CELF2: variants seen among roughly 807,000 people sequenced by gnomAD.
The protein encoded by CELF2 is CUGBP Elav-like family member 2.
A neutral mutation model predicts 62.6 loss-of-function variants in CELF2; 8 were observed. The ratio of observed to expected loss-of-function variants is 0.13; its 90% CI spans 0.07 to 0.23. CELF2 has a LOEUF of 0.23. CELF2 is among the 10% of genes least tolerant of loss of function. The probability of loss-of-function intolerance (pLI) is 1.00; values close to 1 mark genes in which losing one functional copy is unlikely to be tolerated. For synonymous variants in CELF2, 258 were observed against 250.0 expected (o/e 1.03, Z -0.30); for missense variants, 333 against 671.0 (o/e 0.50, Z 5.56).
rs571080453 is a variant in CELF2, at chr10:11,164,984, T to C, written c.75-502T>C. ...CCAAGTGTTTCATTTTCTTTCCATGTGACTTTATTATTACCACCTCTCTCC... is the reference window on the plus strand; with the variant it reads ...CCAAGTGTTTCATTTTCTTTCCATGCGACTTTATTATTACCACCTCTCTCC... On this transcript the variant is annotated intron_variant, in intron 1 of 12. Coordinates refer to ENST00000633077, the MANE Select transcript of CELF2 (RefSeq NM_001326342.2). The C allele has an allele frequency of 1.0e-5, 8 of 803,776 alleles. No homozygotes were observed. In the South Asian group the frequency reaches 3.9e-4, roughly 39 times the overall value. The allele number at this position is 803,776 out of a possible 1,614,324, so 49.8% of individuals were successfully genotyped here.
chr10:11,028,233 T>TG (rs370149446), intron 1 of CELF2, among the ~76,000 whole-genome samples: 4 of 151,836 alleles, frequency 2.6e-5, no homozygotes, highest in Admixed American at 6.6e-5. Context: ...CATTCTGGGA[T>TG]GGGGGGGAAG....
chr10:10,650,306 AT>A, the CELF2 span, among the ~76,000 whole-genome samples: 1 of 152,262 alleles, frequency 6.6e-6, no homozygotes. Flanking sequence ...TAATAAAAGA[AT>A]CAAAGTTATT....
At chr10:10,684,879 T>C in the CELF2 span, among the ~76,000 whole-genome samples, 1 of 152,190 alleles carries the variant, frequency 6.6e-6, no homozygotes, top group Non-Finnish European at 1.5e-5. Context: ...CAGAAAACCC[T>C]GCAGGCACAT....
the CELF2 span, among the ~76,000 whole-genome samples, chr10:10,572,206 C>CT: frequency 7.0e-4 from 104 of 148,520 alleles, no homozygotes; most frequent in African/African-American, 1.1e-3. Context: ...GGAATTCAGA[C>CT]TTTTTTTTTT....
intron 2 of CELF2, among the ~76,000 whole-genome samples, chr10:11,172,327 T>TG (rs2069182067): frequency 4.6e-5 from 7 of 152,360 alleles, no homozygotes; most frequent in Non-Finnish European, 4.4e-5. Flanking sequence ...TTTAGATTCA[T>TG]GCAAGCGGAG....
the CELF2 span, among the ~76,000 whole-genome samples, chr10:10,727,434 T>A: frequency 6.6e-6 from 1 of 152,188 alleles, no homozygotes; most frequent in Admixed American, 6.5e-5. Flanking sequence ...GCTGGCTTTA[T>A]ATGTCATCAT....
intron 1 of CELF2, among the ~76,000 whole-genome samples, chr10:11,032,527 A>G (rs1593558690): frequency 1.3e-5 from 2 of 152,336 alleles, no homozygotes; most frequent in South Asian, 2.1e-4. Context: ...GTTTAATGAA[A>G]TAGATGTTCC....
At position 11,262,940 on chromosome 10, in the gene CELF2, C is replaced by CTTTTTTTTTTT. The variant is rs553831640; in HGVS notation, c.539-3641_539-3631dup. ...GTTCATGCTTTTAAAAGTGGCTTTACTTTTTTTTTTTTTTTTTTTTTTTTT... is the reference window on the plus strand; with the variant it reads ...GTTCATGCTTTTAAAAGTGGCTTTACTTTTTTTTTTTTTTTTTTTTTTTTTTTTTTTTTTTT... On this transcript the variant is annotated intron_variant, in intron 5 of 12. Coordinates refer to ENST00000633077, the MANE Select transcript of CELF2 (RefSeq NM_001326342.2). Among the ~76,000 whole-genome samples, 228 of 52,752 alleles carry CTTTTTTTTTTT rather than the reference C, an allele frequency of 4.3e-3. 60 individuals carry two copies. The highest frequency in any genetic ancestry group is 0.01 in the African/African-American group (147 of 14,456). The allele number at this position is 52,752 out of a possible 152,430, so 34.6% of individuals were successfully genotyped here. A position where few individuals can be genotyped will look rare whatever the true frequency, so the allele number is the denominator to read the frequency against.
At chr10:10,702,021 A>G in the CELF2 span, among the ~76,000 whole-genome samples, 1 of 152,232 alleles carries the variant, frequency 6.6e-6, no homozygotes, top group Non-Finnish European at 1.5e-5. Context: ...CAAATAACAG[A>G]CAATCTAAAA....
At chr10:11,002,506 T>C (rs1265802937), upstream of CELF2, among the ~76,000 whole-genome samples, 4 of 152,134 alleles carry the variant, frequency 2.6e-5, no homozygotes, top group South Asian at 2.1e-4. This position sits in a 1 kb window ranked among gnomAD's most constrained non-coding sequence, Gnocchi z 4.4. Flanking sequence ...AGTGGGGGCA[T>C]TGGGTTGCAT....
intron 1 of CELF2, among the ~76,000 whole-genome samples, chr10:11,154,485 A>T (rs542743666): frequency 3.9e-5 from 6 of 152,240 alleles, no homozygotes; most frequent in Non-Finnish European, 7.3e-5. Flanking sequence ...GAAAGGAAAC[A>T]TGCAGGATGA....
intron 3 of CELF2, among the ~76,000 whole-genome samples, chr10:11,238,634 T>C (rs1423083026): frequency 6.6e-6 from 1 of 152,232 alleles, no homozygotes; most frequent in East Asian, 1.9e-4. Flanking sequence ...CAGTACCTTC[T>C]ACTGAGATGA....
At chr10:10,465,414 T>A in the CELF2 span, among the ~76,000 whole-genome samples, 1 of 152,140 alleles carries the variant, frequency 6.6e-6, no homozygotes, top group Non-Finnish European at 1.5e-5. Context: ...AAGTTGTAAC[T>A]TTATTTCTGA....
At chr10:10,932,039 C>T (rs1274513549) in intron 2 of CELF2, among the ~76,000 whole-genome samples, 1 of 152,090 alleles carries the variant, frequency 6.6e-6, no homozygotes, top group Non-Finnish European at 1.5e-5. Flanking sequence ...CCACCAGGCC[C>T]CTCCCACAGT....
the CELF2 span, among the ~76,000 whole-genome samples, chr10:10,670,606 A>C: frequency 0.29 from 43,780 of 152,008 alleles, 6,889 homozygotes; most frequent in South Asian, 0.52. Flanking sequence ...ATCATTATCA[A>C]CCAGAGTTTG....
chr10:10,816,384 TA>T (rs1375347118), intron 1 of CELF2, among the ~76,000 whole-genome samples: 3 of 152,336 alleles, frequency 2.0e-5, no homozygotes, highest in South Asian at 4.1e-4. Context: ...AACCTCTGTT[TA>T]AAAAAGTATT....
At chr10:10,540,689 G>A in the CELF2 span, among the ~76,000 whole-genome samples, 1 of 152,060 alleles carries the variant, frequency 6.6e-6, no homozygotes, top group Non-Finnish European at 1.5e-5. Flanking sequence ...AGGGAGTCCT[G>A]GATTTTTCAG....
chr10:10,723,318 G>A, the CELF2 span, among the ~76,000 whole-genome samples: 1 of 152,154 alleles, frequency 6.6e-6, no homozygotes, highest in Non-Finnish European at 1.5e-5. Flanking sequence ...TGAAATGGAA[G>A]TTCTGTTGGT....
In CELF2 at chr10:11,018,058, C is replaced by A; in HGVS notation, c.-32C>A. On this transcript the variant is annotated 5_prime_UTR_variant, in exon 1 of 13. Coordinates refer to ENST00000633077, the MANE Select transcript of CELF2 (RefSeq NM_001326342.2). Reference sequence around the variant, plus strand: ...CCGCTCGGACGCGCGCAGAGCCGCCCCCCGCCGCTGCCGCCGCGTGCGCCC... The same window carrying A: ...CCGCTCGGACGCGCGCAGAGCCGCCACCCGCCGCTGCCGCCGCGTGCGCCC... 4 of 1,401,538 alleles carry A rather than the reference C, an allele frequency of 2.9e-6. No homozygotes were observed. The highest frequency in any genetic ancestry group is 3.7e-5 in the East Asian group (1 of 27,036). 86.8% of individuals were successfully genotyped at this position (1,401,538 alleles called of 1,614,324 possible).
Sources: allele counts gnomAD v4.1 joint callset (sites outside exome capture counted in the v4.1 genomes callset), GRCh38; gene constraint gnomAD v4.1.1; non-coding constraint Gnocchi (gnomAD v3.1); transcripts MANE v1.5; gene names NCBI Gene and HGNC (gene_info 2026-07-23, HGNC 2026-07-21).